CBLIF: variants seen among roughly 807,000 people sequenced by gnomAD.
CBLIF encodes the protein gastric intrinsic factor (vitamin B synthesis).
CBLIF carries 24 observed loss-of-function variants against 44.9 expected under a neutral mutation model. The observed-to-expected ratio is 0.53, with a 90% confidence interval of 0.39 to 0.75. CBLIF has a LOEUF of 0.75. Ranked by LOEUF, CBLIF falls within the 30% of genes least tolerant of loss-of-function variation. The pLI is 0.00. For synonymous variants in CBLIF, 183 were observed against 190.9 expected, an observed-to-expected ratio of 0.96 and a Z score of 0.34; for missense variants, 481 against 513.0, an observed-to-expected ratio of 0.94 and a Z score of 0.60.
chr11:59,837,948 A>G (rs764953772), intron 5 of CBLIF, among the ~76,000 whole-genome samples: 6 of 152,114 alleles, frequency 3.9e-5, no homozygotes, highest in Non-Finnish European at 7.4e-5. Context: ...AGGTTATTCA[A>G]CTGGGACCAT....
chr11:59,837,832 TG>T (rs1310263320), intron 5 of CBLIF, among the ~76,000 whole-genome samples: 1 of 152,212 alleles, frequency 6.6e-6, no homozygotes, highest in Non-Finnish European at 1.5e-5. Flanking sequence ...GGGCTGATGG[TG>T]GTCACCATCC....
intron 4 of CBLIF, 70 bp downstream of exon 4, chr11:59,842,373 C>T: frequency 1.9e-6 from 3 of 1,554,642 alleles, no homozygotes; most frequent in Non-Finnish European, 2.7e-6. Flanking sequence ...TGTCACTTCC[C>T]TGCCAGCTCC....
rs1565210030 is a variant in CBLIF, at chr11:59,842,591, G to A, written c.371-8C>T. 1 of 1,613,488 alleles carries A rather than the reference G, an allele frequency of 6.2e-7. No homozygotes were observed. Among genetic ancestry groups the A allele is most frequent in the Non-Finnish European group, 8.5e-7 (1 of 1,179,474 alleles). ...ATGCTTCAGCGTTGGGGCCTCCGAA[G>A]GGGATAGAGAACCTTCATCAGACTC... On this transcript the variant is annotated splice_polypyrimidine_tract_variant and splice_region_variant and intron_variant, in intron 3 of 8. Coordinates refer to ENST00000257248, the MANE Select transcript of CBLIF (RefSeq NM_005142.3).
At chr11:59,832,691 T>A (rs961228972) in intron 7 of CBLIF, among the ~76,000 whole-genome samples, 1 of 151,940 alleles carries the variant, frequency 6.6e-6, no homozygotes, top group African/African-American at 2.4e-5. Context: ...AAATAAATTT[T>A]AAAAAAGCAA....
intron 5 of CBLIF, 24 bp from the exon 6 acceptor site, chr11:59,837,375 G>GAGAA: frequency 1.9e-6 from 3 of 1,583,438 alleles, no homozygotes; most frequent in South Asian, 1.1e-5. Context: ...CAGAAAGAGA[G>GAGAA]AGAAAGAGTA....
Position 59,842,496 on chromosome 11 carries a change from A to G in CBLIF, c.458T>C (p.Ile153Thr), listed in dbSNP as rs1866547285. Residue 153 changes from isoleucine to threonine, a missense_variant, in exon 4 of 9, where the codon ATA (isoleucine) becomes ACA (threonine). Physicochemically the swap from Ile to Thr is moderately conservative, Grantham distance 89. Transcript: ENST00000257248. ...CQKNSEATLPIAVRFAKTLLA... is the reference protein window; with the variant it reads ...CQKNSEATLPTAVRFAKTLLA... The stretch of plus-strand genomic sequence containing the variant: ...CAGGGTCTTGGCAAAGCGGACGGCT[A>G]TCGGCAAGGTCGCCTCAGAGTTCTT... 6.2e-7 allele frequency: 1 copy of G among 1,613,794 alleles called. No individual in the cohort carries two copies. The highest frequency in any genetic ancestry group is 1.7e-5 in the Admixed American group (1 of 60,000).
intron 5 of CBLIF, among the ~76,000 whole-genome samples, chr11:59,837,738 T>C (rs1866473964): frequency 6.6e-6 from 1 of 152,168 alleles, no homozygotes; most frequent in Non-Finnish European, 1.5e-5. Context: ...CCCTCTTTGA[T>C]GGACTTTTCC....
chr11:59,835,894 G>A lies in CBLIF; in HGVS notation c.987C>T (p.Phe329=), dbSNP rs745934778. 3.1e-6 allele frequency: 5 copies of A among 1,614,014 alleles called. No homozygotes were observed. The highest frequency in any genetic ancestry group is 4.2e-6 in the Non-Finnish European group (5 of 1,179,884). The part of the protein sequence containing the change: ...NNQLRGVELL[F]NETINVSVKS... Reference sequence around the variant, plus strand: ...TCACACTAACATTGATGGTCTCGTTGAAGAGCAGCTCAACCCCCCTCAGCT... The same window carrying A: ...TCACACTAACATTGATGGTCTCGTTAAAGAGCAGCTCAACCCCCCTCAGCT... Residue 329 remains phenylalanine, a synonymous_variant, in exon 7 of 9, where the codon TTC becomes TTT. Transcript: ENST00000257248.
At chr11:59,839,799 A>G (rs1178162439) in intron 5 of CBLIF, among the ~76,000 whole-genome samples, 1 of 152,150 alleles carries the variant, frequency 6.6e-6, no homozygotes. Flanking sequence ...CAGGTGATAA[A>G]ATCCAAACAG....
Position 59,834,311 on chromosome 11 carries a change from T to TCTTTCTTTCTTC in CBLIF, c.1073+1496_1073+1497insGAAGAAAGAAAG, listed in dbSNP as rs1555012146. Among the ~76,000 whole-genome samples, 107 of 35,548 alleles carry TCTTTCTTTCTTC rather than the reference T, an allele frequency of 3.0e-3. 5 individuals are homozygous for TCTTTCTTTCTTC. The highest frequency in any genetic ancestry group is 6.7e-3 in the South Asian group (6 of 902). The allele number at this position is 35,548 out of a possible 152,430, so 23.3% of individuals were successfully genotyped here. ...TTCTTTCTTTCTTTCTTTCTTTCTTTCTTCCTTCCTTCCTTCCTTCCTTCC... is the reference window on the plus strand; with the variant it reads ...TTCTTTCTTTCTTTCTTTCTTTCTTTCTTTCTTTCTTCCTTCCTTCCTTCCTTCCTTCCTTCC... On this transcript the variant is annotated intron_variant, in intron 7 of 8. Coordinates refer to ENST00000257248, the MANE Select transcript of CBLIF (RefSeq NM_005142.3).
chr11:59,829,822 T>G (rs1590853653), intron 8 of CBLIF, among the ~76,000 whole-genome samples: 1 of 152,236 alleles, frequency 6.6e-6, no homozygotes, highest in Non-Finnish European at 1.5e-5. Context: ...TACAAGATTT[T>G]GTTAATAATA....
At chr11:59,842,758 A>T (rs1866554611) in intron 3 of CBLIF, 175 bp from the exon 4 acceptor site, 2 of 676,170 alleles carry the variant, frequency 3.0e-6, no homozygotes, top group Non-Finnish European at 5.2e-6. Flanking sequence ...GTCATCAGGC[A>T]TCTGCAAAGA....
chr11:59,844,010 A>T lies in CBLIF; in HGVS notation c.125T>A (p.Leu42His), dbSNP rs1430345048. The change falls in exon 2 of 9, where the codon CTC (leucine) becomes CAC (histidine). Residue 42 changes from leucine (L) to histidine (H), a missense_variant. By Grantham distance (99) the Leu-to-His change is moderately conservative. Coordinates refer to ENST00000257248, the MANE Select transcript of CBLIF (RefSeq NM_005142.3). ...TGATGAAGTCACCGAGTTCTCCATG[A>T]GTACTTGTATTCCATTGACCAAGGG... ...QEPLVNGIQV[L>H]MENSVTSSAY... 2.5e-6 allele frequency: 4 copies of T among 1,613,844 alleles called. No individual in the cohort carries two copies. The South Asian group carries it at 4.4e-5, about 18-fold the overall frequency.
chr11:59,831,858 GA>G, intron 7 of CBLIF, 62 bp from the exon 8 acceptor site: 4 of 805,668 alleles, frequency 5.0e-6, no homozygotes, highest in Non-Finnish European at 9.0e-6. Context: ...GCGGTAAGAT[GA>G]AGGGATAGAG....
At chr11:59,839,845 ACTGT>A (rs996764412) in intron 5 of CBLIF, among the ~76,000 whole-genome samples, 3 of 152,146 alleles carry the variant, frequency 2.0e-5, no homozygotes, top group Admixed American at 1.3e-4. Flanking sequence ...TAAACACTTC[ACTGT>A]CTGGTGATAA....
intron 6 of CBLIF, 108 bp downstream of exon 6, chr11:59,837,066 C>T: frequency 1.1e-6 from 1 of 879,556 alleles, no homozygotes. Flanking sequence ...ACTCTGCCCA[C>T]ATGGGAATAA....
rs1866448776 is a variant in CBLIF at position 59,835,858 on chromosome 11, T to C, written c.1023A>G (p.Ser341=). ...ETINVSVKSG[S]VLLVVLEEAQ... ...CTTCCTCTAGGACAACAAGTAACAC[T>C]GACCCACTTTTCACACTAACATTGA... is the stretch of plus-strand genomic sequence containing the variant. Residue 341 remains serine, a synonymous_variant, in exon 7 of 9, where the codon TCA becomes TCG. Coordinates refer to ENST00000257248, the MANE Select transcript of CBLIF (RefSeq NM_005142.3). The C allele has an allele frequency of 6.2e-7, 1 of 1,614,198 alleles. No homozygotes were observed.
intron 3 of CBLIF, 161 bp from the exon 4 acceptor site, chr11:59,842,744 G>T (rs569997029): frequency 1.4e-6 from 1 of 711,730 alleles, no homozygotes; most frequent in Non-Finnish European, 2.5e-6. Flanking sequence ...TTTTTCAAAA[G>T]AATGTCATCA....
chr11:59,838,848 CTT>C (rs1217612334), intron 5 of CBLIF, among the ~76,000 whole-genome samples: 69 of 130,508 alleles, frequency 5.3e-4, no homozygotes, highest in South Asian at 3.1e-3. Flanking sequence ...TTCTTTCTTT[CTT>C]TTTTTTTTTT....
Sources: gnomAD v4.1 joint callset for allele counts (sites outside exome capture counted in the v4.1 genomes callset) on GRCh38, gnomAD v4.1.1 for gene constraint, MANE v1.5 for transcripts, NCBI Gene and HGNC (gene_info 2026-07-23, HGNC 2026-07-21) for gene names.